The following FSIP1 variants were observed in gnomAD, a reference collection of about 807,000 sequenced individuals.
The protein encoded by FSIP1 is fibrous sheath-interacting protein 1.
A neutral mutation model predicts 60.9 loss-of-function variants in FSIP1; 65 were observed. The observed-to-expected ratio is 1.07, with a 90% CI of 0.87 to 1.31. The LOEUF (loss-of-function observed/expected upper bound fraction) is 1.31. Among genes scored for constraint, FSIP1 ranks in the 40% most tolerant of loss-of-function variants. The pLI, the probability that FSIP1 is intolerant of heterozygous loss-of-function variation, is 0.00. For missense variants in FSIP1, 675 were observed against 665.5 expected, an observed-to-expected ratio of 1.01 and a Z score of -0.16; for synonymous variants, 209 against 221.2, an observed-to-expected ratio of 0.94 and a Z score of 0.49.
At chr15:39,766,168 T>A (rs774207147) in intron 3 of FSIP1, among the ~76,000 whole-genome samples, 1 of 152,226 alleles carries the variant, frequency 6.6e-6, no homozygotes, top group Non-Finnish European at 1.5e-5. Context: ...AGAAGGCGTG[T>A]ACACAAATGG....
intron 10 of FSIP1, among the ~76,000 whole-genome samples, chr15:39,622,138 C>T (rs972662059): frequency 5.3e-5 from 8 of 150,736 alleles, no homozygotes; most frequent in African/African-American, 1.9e-4. Flanking sequence ...CTGAACCACT[C>T]ACTGTGCAGG....
At chr15:39,706,031 T>A (rs942477480) in intron 10 of FSIP1, among the ~76,000 whole-genome samples, 1 of 151,970 alleles carries the variant, frequency 6.6e-6, no homozygotes, top group African/African-American at 2.4e-5. Context: ...TCTAAAAGTC[T>A]TCTATTGACA....
intron 11 of FSIP1, among the ~76,000 whole-genome samples, chr15:39,608,936 C>G (rs563232497): frequency 6.6e-6 from 1 of 152,278 alleles, no homozygotes; most frequent in Non-Finnish European, 1.5e-5. Context: ...CACCACTCCC[C>G]CAAACCCTGC....
At chr15:39,693,614 A>C (rs190769710) in intron 10 of FSIP1, among the ~76,000 whole-genome samples, 19 of 152,372 alleles carry the variant, frequency 1.2e-4, no homozygotes, top group African/African-American at 1.9e-4. Context: ...AAAAGAATTC[A>C]TTCAAATATT....
At chr15:39,768,922 T>A (rs1897782459) in intron 3 of FSIP1, among the ~76,000 whole-genome samples, 1 of 152,212 alleles carries the variant, frequency 6.6e-6, no homozygotes, top group Non-Finnish European at 1.5e-5. Context: ...TATGCAGACC[T>A]TCAACCTCTT....
intron 2 of FSIP1, among the ~76,000 whole-genome samples, chr15:39,774,412 C>G (rs1897985305): frequency 6.6e-6 from 1 of 150,514 alleles, no homozygotes; most frequent in African/African-American, 2.5e-5. Context: ...ACCCAGGAGG[C>G]AGAGGTTGTA....
At chr15:39,678,509 T>C (rs1894033310) in intron 10 of FSIP1, among the ~76,000 whole-genome samples, 3 of 152,168 alleles carry the variant, frequency 2.0e-5, no homozygotes, top group Admixed American at 2.0e-4. Flanking sequence ...GAATATTTTA[T>C]TGGAAATATA....
intron 1 of FSIP1, among the ~76,000 whole-genome samples, chr15:39,778,792 A>T (rs999441298): frequency 2.6e-5 from 4 of 152,234 alleles, no homozygotes; most frequent in African/African-American, 9.6e-5. Flanking sequence ...GAAATTGATA[A>T]AGCCAAACAA....
intron 10 of FSIP1, among the ~76,000 whole-genome samples, chr15:39,624,329 A>G (rs1025901393): frequency 6.6e-6 from 1 of 152,260 alleles, no homozygotes; most frequent in Non-Finnish European, 1.5e-5. Flanking sequence ...AGTGTTTCCA[A>G]ACTTCACTGA....
chr15:39,780,533 A>C (rs1172075053), intron 1 of FSIP1, among the ~76,000 whole-genome samples: 1 of 152,220 alleles, frequency 6.6e-6, no homozygotes, highest in East Asian at 1.9e-4. Context: ...AAAAGAAAAA[A>C]AAATTTATTT....
intron 10 of FSIP1, among the ~76,000 whole-genome samples, chr15:39,699,243 G>C (rs932315743): frequency 1.3e-5 from 2 of 152,176 alleles, no homozygotes; most frequent in South Asian, 2.1e-4. Flanking sequence ...AGGAAGAACG[G>C]TAAATGGATT....
intron 10 of FSIP1, among the ~76,000 whole-genome samples, chr15:39,642,297 C>T (rs1892402751): frequency 6.6e-6 from 1 of 152,182 alleles, no homozygotes; most frequent in South Asian, 2.1e-4. Context: ...TCCCCTCTCC[C>T]ACCCCTGTTT....
intron 2 of FSIP1, among the ~76,000 whole-genome samples, chr15:39,776,197 A>AGAGGGAGGGAGGGAGGGAGGGAGG (rs367626075): frequency 3.6e-4 from 11 of 30,696 alleles, no homozygotes; most frequent in East Asian, 7.0e-4. Flanking sequence ...GGGAGGAGAG[A>AGAGGGAGGGAGGGAGGGAGGGAGG]GAGGGAGGGA....
At chr15:39,739,322 T>C (rs1438866799) in intron 7 of FSIP1, among the ~76,000 whole-genome samples, 1 of 152,216 alleles carries the variant, frequency 6.6e-6, no homozygotes, top group East Asian at 1.9e-4. Flanking sequence ...AAAAAACAAT[T>C]TTACTAATAT....
At chr15:39,777,356 T>C (rs1898097963) in intron 1 of FSIP1, among the ~76,000 whole-genome samples, 1 of 152,058 alleles carries the variant, frequency 6.6e-6, no homozygotes, top group African/African-American at 2.4e-5. Context: ...TTATCAACCC[T>C]CCCCTTCTAA....
chr15:39,635,838 C>G (rs1414884873), intron 10 of FSIP1, among the ~76,000 whole-genome samples: 1 of 152,092 alleles, frequency 6.6e-6, no homozygotes, highest in Non-Finnish European at 1.5e-5. Flanking sequence ...TCTATTACCC[C>G]AGGATCCTAA....
At chr15:39,775,971 G>C (rs1898040910) in intron 2 of FSIP1, among the ~76,000 whole-genome samples, 1 of 151,504 alleles carries the variant, frequency 6.6e-6, no homozygotes, top group Admixed American at 6.6e-5. Flanking sequence ...GAATCTTTTT[G>C]AGTAAGTGTT....
intron 10 of FSIP1, among the ~76,000 whole-genome samples, chr15:39,681,167 G>A (rs1894146373): frequency 6.6e-6 from 1 of 152,178 alleles, no homozygotes; most frequent in Non-Finnish European, 1.5e-5. Context: ...AATGAAGAAA[G>A]AGTTATACAG....
intron 8 of FSIP1, among the ~76,000 whole-genome samples, chr15:39,732,613 C>G (rs1896448875): frequency 9.1e-6 from 1 of 109,652 alleles, no homozygotes; most frequent in Non-Finnish European, 1.7e-5. Context: ...GAGTGAAACT[C>G]CATCTCAAAA....
Sources: allele counts gnomAD v4.1 joint callset (sites outside exome capture counted in the v4.1 genomes callset), GRCh38; gene constraint gnomAD v4.1.1; transcripts MANE v1.5; gene names NCBI Gene and HGNC (gene_info 2026-07-23, HGNC 2026-07-21).